NLGN1: variants seen among roughly 807,000 people sequenced by gnomAD.
NLGN1 encodes neuroligin 1, also known as neuroligin-1.
Under a neutral mutation model 65.5 loss-of-function variants are expected in NLGN1, and 12 were observed. The observed-to-expected ratio is 0.18, with a 90% confidence interval of 0.12 to 0.30. The LOEUF is 0.30. NLGN1 is among the 10% of genes least tolerant of loss of function. The pLI, the probability that NLGN1 is intolerant of heterozygous loss-of-function variation, is 1.00. For missense variants in NLGN1, 750 were observed against 1,007.1 expected (o/e 0.74, Z 3.46); for synonymous variants, 350 against 359.5 (o/e 0.97, Z 0.30).
chr3:174,073,708 G>A (rs928216677), intron 4 of NLGN1, among the ~76,000 whole-genome samples: 7 of 152,066 alleles, frequency 4.6e-5, no homozygotes, highest in Non-Finnish European at 7.4e-5. Flanking sequence ...ATTAATTGCC[G>A]GTGATATCAC....
At chr3:174,293,876 T>C in the NLGN1 span, among the ~76,000 whole-genome samples, 6 of 151,548 alleles carry the variant, frequency 4.0e-5, no homozygotes, top group African/African-American at 9.7e-5. Context: ...GGAAAGAACA[T>C]AGAAAACTAC....
At chr3:173,621,175 C>G (rs1333174312) in intron 3 of NLGN1, among the ~76,000 whole-genome samples, 1 of 152,026 alleles carries the variant, frequency 6.6e-6, no homozygotes, top group Non-Finnish European at 1.5e-5. Context: ...ATGTACACTA[C>G]AAGACTAGAG....
At chr3:174,277,525 A>T (rs1750810123) in intron 5 of NLGN1, among the ~76,000 whole-genome samples, 1 of 151,866 alleles carries the variant, frequency 6.6e-6, no homozygotes, top group Admixed American at 6.6e-5. Context: ...TTAGTTACAC[A>T]ATTTTTATTT....
chr3:173,742,924 A>G (rs972787798), intron 3 of NLGN1, among the ~76,000 whole-genome samples: 1 of 152,120 alleles, frequency 6.6e-6, no homozygotes, highest in African/African-American at 2.4e-5. Context: ...TGTTTGTATT[A>G]TGTCTATAAA....
downstream of NLGN1, among the ~76,000 whole-genome samples, chr3:174,291,343 C>A (rs1025698775): frequency 6.6e-6 from 1 of 151,178 alleles, no homozygotes; most frequent in South Asian, 2.1e-4. Flanking sequence ...TTCAGGAAAT[C>A]TTTTACAATA....
intron 2 of NLGN1, among the ~76,000 whole-genome samples, chr3:173,589,743 A>G (rs1748138215): frequency 6.6e-6 from 1 of 152,164 alleles, no homozygotes; most frequent in African/African-American, 2.4e-5. Context: ...ACTGTTTTTT[A>G]TACCAATGTT....
At chr3:174,053,689 G>T (rs1024612148) in intron 4 of NLGN1, among the ~76,000 whole-genome samples, 1 of 151,580 alleles carries the variant, frequency 6.6e-6, no homozygotes, top group East Asian at 1.9e-4. Context: ...TTTCTTACTC[G>T]AGCCATCTTG....
intron 4 of NLGN1, chr3:173,914,761 C>T (rs922255211): frequency 6.6e-6 from 1 of 152,096 alleles, no homozygotes; most frequent in Non-Finnish European, 1.5e-5. Flanking sequence ...AGCGGAGTAA[C>T]GATTTGAGTT....
At chr3:173,903,530 T>C (rs1322225037) in intron 4 of NLGN1, among the ~76,000 whole-genome samples, 1 of 152,220 alleles carries the variant, frequency 6.6e-6, no homozygotes, top group Admixed American at 6.5e-5. Context: ...TAATGCTCTA[T>C]ACTACTGCAT....
chr3:173,747,577 A>G (rs897581522), intron 3 of NLGN1, among the ~76,000 whole-genome samples: 2 of 150,136 alleles, frequency 1.3e-5, no homozygotes, highest in African/African-American at 4.9e-5. Context: ...TTTCTTCGCA[A>G]TCTTTTCCAC....
intron 2 of NLGN1, among the ~76,000 whole-genome samples, chr3:173,489,619 C>G (rs576684613): frequency 1.3e-5 from 2 of 152,234 alleles, no homozygotes; most frequent in Admixed American, 1.3e-4. Context: ...ATGGCTGGGT[C>G]AAATGGTATT....
At chr3:174,093,768 A>G (rs1486077372) in intron 4 of NLGN1, among the ~76,000 whole-genome samples, 1 of 152,194 alleles carries the variant, frequency 6.6e-6, no homozygotes, top group Non-Finnish European at 1.5e-5. Flanking sequence ...CTTTTAGCCA[A>G]TGTCAGTATA....
intron 2 of NLGN1, among the ~76,000 whole-genome samples, chr3:173,481,016 T>C (rs1297559643): frequency 6.6e-6 from 1 of 152,068 alleles, no homozygotes; most frequent in Non-Finnish European, 1.5e-5. Context: ...TCTTCACAAA[T>C]ATGCCTTTAG....
At chr3:174,140,057 C>A (rs989661033) in intron 4 of NLGN1, among the ~76,000 whole-genome samples, 37 of 152,122 alleles carry the variant, frequency 2.4e-4, no homozygotes. Flanking sequence ...TTGTTCTTCT[C>A]TTTACCAGAT....
chr3:174,233,370 C>A (rs1741089550), intron 4 of NLGN1, among the ~76,000 whole-genome samples: 1 of 151,930 alleles, frequency 6.6e-6, no homozygotes. Flanking sequence ...CCTGTAATCC[C>A]AGCTACTCAG....
chr3:173,471,252 G>T (rs546883365), intron 2 of NLGN1, among the ~76,000 whole-genome samples: 1 of 152,008 alleles, frequency 6.6e-6, no homozygotes, highest in East Asian at 1.9e-4. Flanking sequence ...AACAAATTAG[G>T]TGGATTTAGC....
intron 2 of NLGN1, among the ~76,000 whole-genome samples, chr3:173,453,313 G>A (rs1051825657): frequency 6.6e-6 from 1 of 151,664 alleles, no homozygotes; most frequent in Admixed American, 6.6e-5. Context: ...TGCCGAGCTG[G>A]TCTTGAATTG....
At chr3:173,964,158 G>A (rs187196274) in intron 4 of NLGN1, among the ~76,000 whole-genome samples, 5 of 152,196 alleles carry the variant, frequency 3.3e-5, no homozygotes, top group East Asian at 1.9e-4. Context: ...AGATTGAGAC[G>A]TAGGGCAGAC....
intron 4 of NLGN1, among the ~76,000 whole-genome samples, chr3:174,129,538 T>TA (rs1577021988): frequency 6.6e-6 from 1 of 152,214 alleles, no homozygotes; most frequent in East Asian, 1.9e-4. Context: ...TTAGTCAAAG[T>TA]ACGTACGACA....
Sources: gnomAD v4.1 joint callset for allele counts (sites outside exome capture counted in the v4.1 genomes callset) on GRCh38, gnomAD v4.1.1 for gene constraint, MANE v1.5 for transcripts, NCBI Gene and HGNC (gene_info 2026-07-23, HGNC 2026-07-21) for gene names.